The following PTPRN2 variants were observed in gnomAD, a reference collection of about 807,000 sequenced individuals.
PTPRN2 encodes receptor-type tyrosine-protein phosphatase N2.
A neutral mutation model predicts 118.8 loss-of-function variants in PTPRN2; 74 were observed. That is an observed-to-expected ratio of 0.62 (90% CI 0.52 to 0.76). PTPRN2 has a LOEUF of 0.76. Ranked by LOEUF, PTPRN2 falls within the 30% of genes least tolerant of loss-of-function variation. The pLI, the probability that PTPRN2 is intolerant of heterozygous loss-of-function variation, is 0.00. For synonymous variants in PTPRN2, 641 were observed against 608.0 expected (o/e 1.05, Z -0.80); for missense variants, 1,481 against 1,394.4 (o/e 1.06, Z -0.99).
intron 11 of PTPRN2, among the ~76,000 whole-genome samples, chr7:157,933,044 C>T (rs866169581): frequency 1.2e-4 from 14 of 112,794 alleles, no homozygotes; most frequent in Non-Finnish European, 1.8e-4. Flanking sequence ...GTTTTAGTGG[C>T]GGGGTGAGTC....
At chr7:158,413,899 G>C (rs2129417388) in intron 2 of PTPRN2, among the ~76,000 whole-genome samples, 1 of 152,218 alleles carries the variant, frequency 6.6e-6, no homozygotes, top group South Asian at 2.1e-4. Context: ...CAGCACTTTG[G>C]GAGGCCGAGG....
chr7:157,594,724 C>T (rs1192401493), intron 17 of PTPRN2, among the ~76,000 whole-genome samples: 2 of 152,232 alleles, frequency 1.3e-5, no homozygotes, highest in East Asian at 3.8e-4. Context: ...CCCACCTGCC[C>T]TCTGCATGTT....
At chr7:157,715,785 A>C (rs911882162) in intron 12 of PTPRN2, among the ~76,000 whole-genome samples, 1 of 152,244 alleles carries the variant, frequency 6.6e-6, no homozygotes, top group African/African-American at 2.4e-5. Flanking sequence ...TTACATCTTC[A>C]GCAATGCCTG....
intron 11 of PTPRN2, among the ~76,000 whole-genome samples, chr7:157,962,861 T>C (rs1307458646): frequency 6.6e-6 from 1 of 152,190 alleles, no homozygotes; most frequent in Non-Finnish European, 1.5e-5. Flanking sequence ...GACTGTGGCA[T>C]TCTTGGTTCC....
intron 9 of PTPRN2, among the ~76,000 whole-genome samples, chr7:158,130,908 GACAC>G (rs557018238): frequency 0.049 from 2,850 of 58,144 alleles, 73 homozygotes; most frequent in African/African-American, 0.19. Flanking sequence ...CACATCTACC[GACAC>G]ACACACTCAT....
At chr7:157,803,063 C>A (rs1050928219) in intron 12 of PTPRN2, among the ~76,000 whole-genome samples, 5 of 152,190 alleles carry the variant, frequency 3.3e-5, no homozygotes, top group Non-Finnish European at 5.9e-5. Context: ...CTCCCAGATT[C>A]AAGTGATTCT....
intron 11 of PTPRN2, among the ~76,000 whole-genome samples, chr7:158,025,700 T>C (rs1807210151): frequency 1.3e-5 from 2 of 152,182 alleles, no homozygotes; most frequent in African/African-American, 2.4e-5. Flanking sequence ...AGCAGAAACA[T>C]AAAATATTGA....
Position 158,452,281 on chromosome 7 carries a change from C to CA in PTPRN2, c.163+37453dup, listed in dbSNP as rs200782463. 3.0e-3 allele frequency among the ~76,000 whole-genome samples: 451 copies of CA among 151,928 alleles called. 14 individuals are homozygous for CA. In the South Asian group the frequency reaches 0.05, roughly 17 times the overall value. On this transcript the variant is annotated intron_variant, in intron 2 of 22. Transcript: ENST00000389418. ...ACTTTAAAGCTAGTTCGTTTAATTT[C>CA]AAAAAAAATTGTTAATATGCTGTTG...
At position 158,333,164 on chromosome 7, in the gene PTPRN2, C is replaced by A. The variant is rs567961717; in HGVS notation, c.164-16232G>T. On this transcript the variant is annotated intron_variant, in intron 2 of 22. Transcript: ENST00000389418. ...CACAGTCTCACCATAAGAGGTGACA[C>A]CTGCAGACGTCACTCAAACCCACAC... 6.5e-5 allele frequency among the ~76,000 whole-genome samples: 7 copies of A among 108,486 alleles called. No individual in the cohort carries two copies. In the East Asian group the frequency reaches 1.5e-3, roughly 24 times the overall value. The allele number at this position is 108,486 out of a possible 152,430, so 71.2% of individuals were successfully genotyped here.
At chr7:157,575,954 A>C (rs1296525658) in intron 19 of PTPRN2, among the ~76,000 whole-genome samples, 1 of 152,162 alleles carries the variant, frequency 6.6e-6, no homozygotes, top group Non-Finnish European at 1.5e-5. Context: ...ATGCGGACCG[A>C]CTGTTTACCA....
chr7:158,304,348 C>T (rs1331402330), intron 3 of PTPRN2, among the ~76,000 whole-genome samples: 2 of 150,906 alleles, frequency 1.3e-5, no homozygotes, highest in Admixed American at 6.6e-5. Flanking sequence ...CTAAGATGTA[C>T]ACAGGCTTGG....
At chr7:157,762,962 G>T (rs1466459887) in intron 12 of PTPRN2, among the ~76,000 whole-genome samples, 1 of 152,090 alleles carries the variant, frequency 6.6e-6, no homozygotes, top group Non-Finnish European at 1.5e-5. Flanking sequence ...CTCCATCAGA[G>T]CCCACAGCCG....
At chr7:158,329,955 G>A (rs1804032196) in intron 2 of PTPRN2, among the ~76,000 whole-genome samples, 1 of 151,910 alleles carries the variant, frequency 6.6e-6, no homozygotes, top group Non-Finnish European at 1.5e-5. Flanking sequence ...AAAATCCTCA[G>A]GTCTTGTATG....
rs34261156 is a variant in PTPRN2, at chr7:157,903,647, C to CTT, written c.1724-4912_1724-4911dup. ...ATTAGTGTTTGGTTTTTTCTTTTTCCTTTTTTTTTTTTATACTAAAAGGTT... is the reference window on the plus strand; with the variant it reads ...ATTAGTGTTTGGTTTTTTCTTTTTCCTTTTTTTTTTTTTTATACTAAAAGGTT... On this transcript the variant is annotated intron_variant, in intron 11 of 22. Transcript: ENST00000389418. This position sits in a 1 kb window ranked among gnomAD's most constrained non-coding sequence, Gnocchi z 4.2. 3.3e-3 allele frequency among the ~76,000 whole-genome samples: 483 copies of CTT among 146,422 alleles called. 6 individuals are homozygous for CTT. Among genetic ancestry groups the CTT allele is most frequent in the East Asian group, 8.7e-3 (44 of 5,032 alleles).
At chr7:158,329,445 G>C (rs576893683) in intron 2 of PTPRN2, among the ~76,000 whole-genome samples, 1 of 152,200 alleles carries the variant, frequency 6.6e-6, no homozygotes, top group Non-Finnish European at 1.5e-5. Context: ...GTTAGCAGGC[G>C]GACGGCTGAG....
chr7:158,110,869 G>A lies in PTPRN2; in HGVS notation c.1603C>T (p.Arg535Cys), dbSNP rs190108622. 3.3e-5 allele frequency: 52 copies of A among 1,588,370 alleles called. No homozygotes were observed. The highest frequency in any genetic ancestry group is 2.0e-4 in the East Asian group (9 of 43,932). ...GCACTGCTGGGCACCTGCAGGAGGC[G>A]GGCGACGTCCTCCACCAGCCGCCTT... is the stretch of plus-strand genomic sequence containing the variant. ...EGRRLVEDVARLLQVPSSAFA... is the reference protein window; with the variant it reads ...EGRRLVEDVACLLQVPSSAFA... Residue 535 changes from arginine (R) to cysteine (C), a missense_variant, in exon 10 of 23, where the codon CGC (arginine) becomes TGC (cysteine). Around this residue, in one of 3 missense-constraint regions of PTPRN2, gnomAD observed 1,115 missense variants for 994.2 expected, o/e 1.12. Transcript: ENST00000389418.
intron 10 of PTPRN2, among the ~76,000 whole-genome samples, chr7:158,104,470 A>G (rs888253120): frequency 6.6e-6 from 1 of 152,162 alleles, no homozygotes; most frequent in African/African-American, 2.4e-5. Context: ...GGCCCCTCAC[A>G]AGATGAAAAA....
At chr7:158,533,676 C>T (rs768665061) in intron 1 of PTPRN2, among the ~76,000 whole-genome samples, 5 of 152,200 alleles carry the variant, frequency 3.3e-5, no homozygotes, top group African/African-American at 7.2e-5. Flanking sequence ...CCTGAGGCAC[C>T]GAGCCGTCAA....
At chr7:158,058,567 A>G (rs1187420224) in intron 11 of PTPRN2, among the ~76,000 whole-genome samples, 6 of 75,790 alleles carry the variant, frequency 7.9e-5, no homozygotes, top group Non-Finnish European at 7.3e-5. Flanking sequence ...CTGCAGCCAC[A>G]CTCCATCTGC....
Sources: gnomAD v4.1 joint callset for allele counts (sites outside exome capture counted in the v4.1 genomes callset) on GRCh38, gnomAD v4.1.1 for gene constraint, gnomAD v4.1.1 regional missense constraint, Gnocchi (gnomAD v3.1) non-coding constraint, MANE v1.5 for transcripts, NCBI Gene and HGNC (gene_info 2026-07-23, HGNC 2026-07-21) for gene names.